The following NTNG1 variants were observed in gnomAD, a reference collection of about 807,000 sequenced individuals.
The protein encoded by NTNG1 is netrin-G1.
In NTNG1, 16 loss-of-function variants were observed where a neutral mutation model predicts 54.0. The ratio of observed to expected loss-of-function variants is 0.30; its 90% CI spans 0.20 to 0.45. The LOEUF (loss-of-function observed/expected upper bound fraction) is 0.45, where lower values mean the gene tolerates loss of function less well. Among genes scored for constraint, NTNG1 ranks in the 20% least tolerant of loss-of-function variants. NTNG1 has a pLI of 1.00. For synonymous variants in NTNG1, 255 were observed against 263.1 expected, an observed-to-expected ratio of 0.97 and a Z score of 0.30; for missense variants, 530 against 678.7, an observed-to-expected ratio of 0.78 and a Z score of 2.43.
intron 7 of NTNG1, among the ~76,000 whole-genome samples, chr1:107,438,279 C>A (rs1675735011): frequency 6.6e-6 from 1 of 152,134 alleles, no homozygotes; most frequent in Non-Finnish European, 1.5e-5. Flanking sequence ...ACTGAGGTCT[C>A]CAGCCTTGCT....
At position 107,404,305 on chromosome 1, in the gene NTNG1, A is replaced by G. The variant is rs111884766; in HGVS notation, c.1061-3377A>G. Among the ~76,000 whole-genome samples, 845 of 152,244 alleles carry G rather than the reference A, an allele frequency of 5.6e-3. 12 individuals are homozygous for G. Among genetic ancestry groups the G allele is most frequent in the African/African-American group, 0.018 (764 of 41,562 alleles). ...GAAAATAGGCCAAACATTAAATGCT[A>G]AACAGTTTCCCCAGCTGAGCATCAA... is the stretch of plus-strand genomic sequence containing the variant. On this transcript the variant is annotated intron_variant, in intron 4 of 7. Coordinates refer to ENST00000370068, the MANE Select transcript of NTNG1 (RefSeq NM_001113226.3).
intron 2 of NTNG1, among the ~76,000 whole-genome samples, chr1:107,284,180 A>T (rs1204073814): frequency 2.6e-5 from 4 of 152,102 alleles, no homozygotes; most frequent in African/African-American, 9.7e-5. Flanking sequence ...TTTCATGTGG[A>T]TAATACTCAA....
chr1:107,217,876 A>G (rs1053850156), intron 2 of NTNG1, among the ~76,000 whole-genome samples: 30 of 152,274 alleles, frequency 2.0e-4, no homozygotes, highest in African/African-American at 7.2e-4. Context: ...CATTTGGTCT[A>G]TCTTGGACAA....
intron 2 of NTNG1, among the ~76,000 whole-genome samples, chr1:107,161,949 A>C (rs79084638): frequency 7.3e-5 from 11 of 151,612 alleles, no homozygotes; most frequent in African/African-American, 2.2e-4. Flanking sequence ...GAAAAAAAAA[A>C]CTATTCTGTA....
intron 7 of NTNG1, among the ~76,000 whole-genome samples, chr1:107,474,179 A>T (rs1678163877): frequency 6.6e-6 from 1 of 152,232 alleles, no homozygotes; most frequent in Admixed American, 6.5e-5. Context: ...TAAGGATTTT[A>T]AAATGAACCT....
chr1:107,343,214 G>A (rs553568907), intron 3 of NTNG1, among the ~76,000 whole-genome samples: 12 of 152,042 alleles, frequency 7.9e-5, no homozygotes, highest in East Asian at 1.9e-4. Flanking sequence ...CCAATGTCAC[G>A]CTCCACTTTT....
chr1:107,444,242 T>C (rs1216019282), intron 7 of NTNG1, among the ~76,000 whole-genome samples: 1 of 152,068 alleles, frequency 6.6e-6, no homozygotes, highest in Non-Finnish European at 1.5e-5. Flanking sequence ...AAAAAGCCCA[T>C]AGACCTCTAA....
intron 3 of NTNG1, among the ~76,000 whole-genome samples, chr1:107,389,891 G>C (rs1157333728): frequency 6.6e-6 from 1 of 152,208 alleles, no homozygotes; most frequent in Non-Finnish European, 1.5e-5. Context: ...GTGGGAGCTG[G>C]ATGGCCATGG....
At chr1:107,435,906 G>A (rs1350211231) in intron 6 of NTNG1, among the ~76,000 whole-genome samples, 1 of 152,122 alleles carries the variant, frequency 6.6e-6, no homozygotes, top group East Asian at 1.9e-4. Context: ...AGCTTCAGAA[G>A]TAAAAATATC....
At chr1:107,357,811 T>C (rs1007915018) in intron 3 of NTNG1, among the ~76,000 whole-genome samples, 8 of 152,168 alleles carry the variant, frequency 5.3e-5, no homozygotes, top group African/African-American at 1.4e-4. Flanking sequence ...GTGATTATAA[T>C]GGTGAGTTGA....
At chr1:107,414,692 A>G (rs1010125967) in intron 5 of NTNG1, among the ~76,000 whole-genome samples, 82 of 152,314 alleles carry the variant, frequency 5.4e-4, no homozygotes, top group African/African-American at 1.9e-3. Context: ...ATTTTTATTT[A>G]CAACAGCAAC....
At chr1:107,305,498 CT>C (rs1005723394) in intron 2 of NTNG1, among the ~76,000 whole-genome samples, 2 of 151,848 alleles carry the variant, frequency 1.3e-5, no homozygotes, top group East Asian at 1.9e-4. Flanking sequence ...TGATGATTAG[CT>C]TTTTTTTCAT....
chr1:107,208,492 G>C (rs1304990112), intron 2 of NTNG1, among the ~76,000 whole-genome samples: 1 of 151,592 alleles, frequency 6.6e-6, no homozygotes, highest in African/African-American at 2.4e-5. Flanking sequence ...TTCTTTGCTT[G>C]CTTCTCTGTT....
intron 3 of NTNG1, among the ~76,000 whole-genome samples, chr1:107,379,593 CT>C (rs1671516236): frequency 6.6e-6 from 1 of 152,156 alleles, no homozygotes; most frequent in Admixed American, 6.5e-5. Context: ...GAGATCTTGG[CT>C]TTCTCTAGTG....
intron 2 of NTNG1, among the ~76,000 whole-genome samples, chr1:107,278,548 A>C (rs12126465): frequency 0.11 from 17,055 of 152,184 alleles, 1,820 homozygotes; most frequent in African/African-American, 0.28. Context: ...AAGGTCTTTT[A>C]TTCATTGAAT....
chr1:107,263,933 C>G (rs3123371), intron 2 of NTNG1, among the ~76,000 whole-genome samples: 150,564 of 152,330 alleles, frequency 0.99, 74,436 homozygotes, highest in East Asian at 1. Context: ...CTGAAGTTTC[C>G]TATCTTTAAA....
At chr1:107,400,841 G>C (rs1360300084) in intron 4 of NTNG1, among the ~76,000 whole-genome samples, 1 of 151,928 alleles carries the variant, frequency 6.6e-6, no homozygotes, top group Non-Finnish European at 1.5e-5. Flanking sequence ...GTAGAGAAAG[G>C]GTTTCACCAT....
At chr1:107,452,058 C>T (rs755201605) in intron 7 of NTNG1, among the ~76,000 whole-genome samples, 4 of 152,148 alleles carry the variant, frequency 2.6e-5, no homozygotes, top group Non-Finnish European at 5.9e-5. Flanking sequence ...CTTCTCTGAC[C>T]TAAGATTTCA....
intron 4 of NTNG1, chr1:107,395,552 T>C (rs1672635352): frequency 1.4e-6 from 1 of 715,470 alleles, no homozygotes; most frequent in South Asian, 1.4e-5. Flanking sequence ...TGTTGGGAAA[T>C]GATACTTGAC....
Sources: gnomAD v4.1 joint callset for allele counts (sites outside exome capture counted in the v4.1 genomes callset) on GRCh38, gnomAD v4.1.1 for gene constraint, MANE v1.5 for transcripts, NCBI Gene and HGNC (gene_info 2026-07-23, HGNC 2026-07-21) for gene names.